The following CLCA1 variants were observed in gnomAD, a reference collection of about 807,000 sequenced individuals.
CLCA1 encodes the protein calcium-activated chloride channel regulator 1.
In CLCA1, 59 loss-of-function variants were observed where a neutral mutation model predicts 85.6. That is an observed-to-expected ratio of 0.69 (90% confidence interval 0.56 to 0.86). CLCA1 has a LOEUF of 0.86. Ranked by LOEUF, CLCA1 falls within the 40% of genes least tolerant of loss-of-function variation. The pLI is 0.00. For missense variants in CLCA1, 1,022 were observed against 1,101.4 expected (o/e 0.93, Z 1.02); for synonymous variants, 396 against 398.3 (o/e 0.99, Z 0.07).
intron 13 of CLCA1, 98 bp downstream of exon 13, chr1:86,498,909 G>T: frequency 7.5e-7 from 1 of 1,341,482 alleles, no homozygotes; most frequent in Non-Finnish European, 1.0e-6. Flanking sequence ...ATACTTAGGG[G>T]GCAGAAGGCA....
intron 4 of CLCA1, among the ~76,000 whole-genome samples, chr1:86,480,965 A>G (rs1438969907): frequency 1.3e-5 from 2 of 152,238 alleles, no homozygotes; most frequent in African/African-American, 2.4e-5. Context: ...CAGGGAATCA[A>G]TCACAGGGCA....
intron 6 of CLCA1, 84 bp from the exon 7 acceptor site, chr1:86,486,442 C>A: frequency 1.6e-6 from 2 of 1,239,276 alleles, no homozygotes; most frequent in Non-Finnish European, 2.3e-6. Flanking sequence ...ATTAAGGCAG[C>A]CACTTCCAAA....
In CLCA1 at chr1:86,499,769, A is replaced by C; in HGVS notation, c.2469A>C (p.Glu823Asp). ...TCCCAAAGGAAGCCAACTCTGAGGA[A>C]GTCTTTTTGTTTAAACCAGAAAACA... is the stretch of plus-strand genomic sequence containing the variant. ...ALIPKEANSE[E>D]VFLFKPENIT... The change falls in exon 14 of 14, where the codon GAA becomes GAC. Residue 823 changes from glutamate to aspartate, a missense_variant. Coordinates refer to ENST00000394711, the MANE Select transcript of CLCA1 (RefSeq NM_001285.4). The C allele has an allele frequency of 1.9e-6, 3 of 1,613,908 alleles. No individual in the cohort carries two copies. Among genetic ancestry groups the C allele is most frequent in the Non-Finnish European group, 2.5e-6 (3 of 1,179,770 alleles).
chr1:86,472,723 C>T (rs1049409787), intron 1 of CLCA1, among the ~76,000 whole-genome samples: 2 of 151,894 alleles, frequency 1.3e-5, no homozygotes, highest in Admixed American at 6.6e-5. Flanking sequence ...TCTCTTAGTA[C>T]CACACTGCAC....
intron 5 of CLCA1, 75 bp downstream of exon 5, chr1:86,482,457 G>T: frequency 9.4e-6 from 13 of 1,381,378 alleles, no homozygotes; most frequent in Non-Finnish European, 1.3e-5. Flanking sequence ...GTGCTCCAAG[G>T]GAGAATCAAA....
At chr1:86,471,874 C>T (rs1436197407) in intron 1 of CLCA1, among the ~76,000 whole-genome samples, 1 of 152,078 alleles carries the variant, frequency 6.6e-6, no homozygotes, top group South Asian at 2.1e-4. Context: ...AGGACTTACC[C>T]GTGCACTAAC....
At chr1:86,479,746 G>C (rs564059987) in intron 4 of CLCA1, among the ~76,000 whole-genome samples, 2 of 152,070 alleles carry the variant, frequency 1.3e-5, no homozygotes, top group African/African-American at 4.8e-5. Context: ...TTAGCCAGGC[G>C]TGGTGGCGGG....
chr1:86,479,659 G>A (rs1647763872), intron 4 of CLCA1, among the ~76,000 whole-genome samples: 1 of 152,174 alleles, frequency 6.6e-6, no homozygotes, highest in South Asian at 2.1e-4. Context: ...GCCGAGGCAG[G>A]CAGATCACAA....
At chr1:86,471,778 T>C (rs1194695078) in intron 1 of CLCA1, among the ~76,000 whole-genome samples, 3 of 152,118 alleles carry the variant, frequency 2.0e-5, no homozygotes, top group African/African-American at 7.2e-5. Context: ...GAGGCAACCA[T>C]TATTATCACT....
chr1:86,495,905 T>C (rs886256345), intron 12 of CLCA1, among the ~76,000 whole-genome samples: 3 of 152,218 alleles, frequency 2.0e-5, no homozygotes, highest in African/African-American at 7.2e-5. Flanking sequence ...AGCAATTCCC[T>C]AGTCATGACA....
At chr1:86,487,265 A>T (rs189831702) in intron 7 of CLCA1, among the ~76,000 whole-genome samples, 11 of 152,308 alleles carry the variant, frequency 7.2e-5, no homozygotes, top group African/African-American at 2.6e-4. Context: ...AGCTTTGACT[A>T]AGGGAGCAAA....
In CLCA1 at chr1:86,493,388, A is replaced by G; in HGVS notation, c.1469A>G (p.Glu490Gly). The change falls in exon 10 of 14, where the codon GAG (glutamate) becomes GGG (glycine). Residue 490 changes from glutamate (E) to glycine (G), a missense_variant. Glu to Gly is a moderately conservative substitution (Grantham distance 98). Transcript: ENST00000394711. ...AAGAGCTGTTTTTCTTAACAGCTTG[A>G]GAGTAAGGGATTAACCCTCCAGAAC... ...GAVSQRSIQL[E>G]SKGLTLQNSQ... 6.2e-7 allele frequency: 1 copy of G among 1,612,814 alleles called. No individual in the cohort carries two copies. Among genetic ancestry groups the G allele is most frequent in the Non-Finnish European group, 8.5e-7 (1 of 1,179,000 alleles).
chr1:86,486,483 T>A, intron 6 of CLCA1, 43 bp from the exon 7 acceptor site: 1 of 1,572,104 alleles, frequency 6.4e-7, no homozygotes, highest in South Asian at 1.1e-5. Context: ...TATTAGTCTT[T>A]CCATCTAAAC....
intron 13 of CLCA1, among the ~76,000 whole-genome samples, chr1:86,499,415 G>A (rs941031195): frequency 7.9e-5 from 12 of 152,158 alleles, no homozygotes; most frequent in Non-Finnish European, 1.3e-4. Context: ...AAGGCTTTAC[G>A]TCATGCCCAA....
At position 86,489,134 on chromosome 1, in the gene CLCA1, G is replaced by A. The variant is rs1648070115; in HGVS notation, c.1321G>A (p.Ala441Thr). The part of the protein sequence containing the change: ...IIHTVALGPS[A>T]AQELEELSKM... ...CCACACAGTCGCTTTGGGGCCCTCT[G>A]CAGCTCAAGAACTAGAGGAGCTGTC... Residue 441 changes from alanine (A) to threonine (T), a missense_variant, in exon 8 of 14, where the codon GCA becomes ACA. Coordinates refer to ENST00000394711, the MANE Select transcript of CLCA1 (RefSeq NM_001285.4). The A allele has an allele frequency of 6.2e-7, 1 of 1,614,052 alleles. No individual in the cohort carries two copies. Among genetic ancestry groups the A allele is most frequent in the Non-Finnish European group, 8.5e-7 (1 of 1,179,998 alleles).
intron 1 of CLCA1, among the ~76,000 whole-genome samples, chr1:86,471,566 T>C (rs1486971508): frequency 6.6e-6 from 1 of 152,218 alleles, no homozygotes; most frequent in Non-Finnish European, 1.5e-5. Context: ...ACATTGGAAA[T>C]TCACATTTCA....
chr1:86,473,760 C>T lies in CLCA1; in HGVS notation c.335C>T (p.Pro112Leu), dbSNP rs769735532. The stretch of plus-strand genomic sequence containing the variant: ...GTTCTGGTTGCTGAGTCTACTCCTC[C>T]AGGTAATGATGAACCCTACACTGAG... ...ADVLVAESTP[P>L]GNDEPYTEQM... The change falls in exon 3 of 14, where the codon CCA becomes CTA. Residue 112 changes from proline to leucine, a missense_variant. By Grantham distance (98) the Pro-to-Leu change is moderately conservative. Transcript: ENST00000394711. The T allele has an allele frequency of 2.5e-6, 4 of 1,597,124 alleles. No homozygotes were observed. The African/African-American group carries it at 4.0e-5, about 16-fold the overall frequency.
intron 10 of CLCA1, 51 bp downstream of exon 10, chr1:86,493,650 G>C (rs756451695): frequency 7.4e-7 from 1 of 1,358,826 alleles, no homozygotes; most frequent in Admixed American, 1.8e-5. Context: ...ATAAAATAAA[G>C]TTTTTACAGA....
chr1:86,481,328 T>C (rs533463803), intron 4 of CLCA1, among the ~76,000 whole-genome samples: 3 of 152,044 alleles, frequency 2.0e-5, no homozygotes, highest in African/African-American at 7.2e-5. Flanking sequence ...CTGGTAGAGT[T>C]GGGTTTCGCC....
Sources: allele counts gnomAD v4.1 joint callset (sites outside exome capture counted in the v4.1 genomes callset), GRCh38; gene constraint gnomAD v4.1.1; transcripts MANE v1.5; gene names NCBI Gene and HGNC (gene_info 2026-07-23, HGNC 2026-07-21).